Variants in STARD13 observed in about 807,000 individuals in gnomAD.
STARD13 encodes StAR related lipid transfer domain containing 13, also known as stAR-related lipid transfer protein 13.
STARD13 carries 62 observed loss-of-function variants against 106.4 expected under a neutral mutation model. The observed-to-expected ratio is 0.58, with a 90% CI of 0.48 to 0.72. The LOEUF (loss-of-function observed/expected upper bound fraction) is 0.72. Among genes scored for constraint, STARD13 ranks in the 30% least tolerant of loss-of-function variants. The pLI, the probability that STARD13 is intolerant of heterozygous loss-of-function variation, is 0.00. For synonymous variants in STARD13, 565 were observed against 553.0 expected (o/e 1.02, Z -0.31); for missense variants, 1,387 against 1,424.0 (o/e 0.97, Z 0.42).
chr13:33,238,267 C>A (rs1440760758), intron 1 of STARD13, among the ~76,000 whole-genome samples: 4 of 152,106 alleles, frequency 2.6e-5, no homozygotes, highest in Non-Finnish European at 5.9e-5. Context: ...GTTTCAATGG[C>A]AAAACCAGAT....
chr13:33,314,296 A>G (rs2138509598), intron 1 of STARD13, among the ~76,000 whole-genome samples: 1 of 152,316 alleles, frequency 6.6e-6, no homozygotes, highest in Middle Eastern at 3.4e-3. Flanking sequence ...CATAGTGGGC[A>G]AAACCCAGTG....
chr13:33,394,596 G>A, the STARD13 span, among the ~76,000 whole-genome samples: 46 of 152,278 alleles, frequency 3.0e-4, no homozygotes, highest in African/African-American at 1.0e-3. Context: ...GATGTTTAGA[G>A]TAGAAATTCA....
intron 2 of STARD13, among the ~76,000 whole-genome samples, chr13:33,166,181 G>T (rs1470117672): frequency 6.6e-6 from 1 of 152,056 alleles, no homozygotes; most frequent in Non-Finnish European, 1.5e-5. Flanking sequence ...AAATCTAAGG[G>T]TATCTAAATT....
the STARD13 span, among the ~76,000 whole-genome samples, chr13:33,665,382 T>C: frequency 6.6e-6 from 1 of 152,156 alleles, no homozygotes; most frequent in African/African-American, 2.4e-5. Context: ...AGCTATCGAG[T>C]TGAAGATAGA....
the STARD13 span, among the ~76,000 whole-genome samples, chr13:33,625,342 C>T: frequency 2.2e-4 from 33 of 152,140 alleles, no homozygotes; most frequent in Middle Eastern, 3.4e-3. Context: ...GAGGCCGAGG[C>T]GGGCAGGTCA....
chr13:33,125,388 G>C (rs928664926), intron 7 of STARD13, among the ~76,000 whole-genome samples: 1 of 152,200 alleles, frequency 6.6e-6, no homozygotes, highest in Admixed American at 6.5e-5. Context: ...TGTTAATTTG[G>C]AGGAGCAAAG....
chr13:33,334,583 G>C (rs1291872421), intron 1 of STARD13, among the ~76,000 whole-genome samples: 1 of 152,186 alleles, frequency 6.6e-6, no homozygotes, highest in Non-Finnish European at 1.5e-5. Context: ...CATAAAAGGA[G>C]AGACCCTCAA....
At chr13:33,585,207 A>G in the STARD13 span, among the ~76,000 whole-genome samples, 7 of 152,212 alleles carry the variant, frequency 4.6e-5, no homozygotes, top group African/African-American at 1.7e-4. Context: ...ATCACTATGG[A>G]AAATAGTATG....
At chr13:33,577,708 T>A in the STARD13 span, among the ~76,000 whole-genome samples, 4 of 152,040 alleles carry the variant, frequency 2.6e-5, no homozygotes, top group African/African-American at 7.2e-5. Flanking sequence ...TTCACAAAAA[T>A]TAATCTAAAA....
At chr13:33,551,096 A>AACAAC in the STARD13 span, among the ~76,000 whole-genome samples, 12 of 152,314 alleles carry the variant, frequency 7.9e-5, no homozygotes, top group East Asian at 2.3e-3. Flanking sequence ...AGCAAAACAA[A>AACAAC]ACAACATAAT....
At chr13:33,468,443 G>C in the STARD13 span, among the ~76,000 whole-genome samples, 1 of 152,182 alleles carries the variant, frequency 6.6e-6, no homozygotes, top group South Asian at 2.1e-4. Context: ...GAGAGGTGAG[G>C]CTTCATGGAA....
rs146054904 is a variant in STARD13, at chr13:33,215,481, CT to C, written c.170-47860del. ...AATGACTTATTTTTTACACTGAAAA[CT>C]TTTTTTACTCTGTTCTTTTGATTAT... On this transcript the variant is annotated intron_variant, in intron 1 of 13. Transcript: ENST00000336934. Among the ~76,000 whole-genome samples, 161 of 152,246 alleles carry C rather than the reference CT, an allele frequency of 1.1e-3. 2 individuals carry two copies. In the East Asian group the frequency reaches 0.028, roughly 26 times the overall value.
At chr13:33,606,931 C>G in the STARD13 span, among the ~76,000 whole-genome samples, 1 of 152,184 alleles carries the variant, frequency 6.6e-6, no homozygotes, top group African/African-American at 2.4e-5. Flanking sequence ...CACTTTAGGA[C>G]CCTTTCATTT....
intron 1 of STARD13, among the ~76,000 whole-genome samples, chr13:33,237,410 C>A (rs1248419228): frequency 2.0e-5 from 3 of 152,216 alleles, no homozygotes; most frequent in Non-Finnish European, 4.4e-5. Flanking sequence ...AGGTGTAAGA[C>A]TTGGGCCCTG....
At chr13:33,141,065 C>A (rs1254918083) in intron 4 of STARD13, among the ~76,000 whole-genome samples, 2 of 143,618 alleles carry the variant, frequency 1.4e-5, no homozygotes, top group Non-Finnish European at 3.1e-5. Flanking sequence ...GCCAAGAACA[C>A]TTTCTTTTGA....
chr13:33,618,460 C>T, the STARD13 span, among the ~76,000 whole-genome samples: 9 of 149,204 alleles, frequency 6.0e-5, no homozygotes, highest in Non-Finnish European at 1.4e-4. Context: ...TGAGAAAAGA[C>T]TTAACAAATT....
chr13:33,179,776 G>A (rs574998233), intron 1 of STARD13, among the ~76,000 whole-genome samples: 9 of 152,350 alleles, frequency 5.9e-5, no homozygotes, highest in Admixed American at 5.9e-4. Context: ...CCGGGTCTCA[G>A]AGCAGGAGGG....
At chr13:33,189,033 G>A (rs913080158) in intron 1 of STARD13, among the ~76,000 whole-genome samples, 4 of 152,116 alleles carry the variant, frequency 2.6e-5, no homozygotes, top group African/African-American at 4.8e-5. Flanking sequence ...TCAGGTATAA[G>A]TCAATGACTC....
At chr13:33,187,383 A>G (rs1885868914) in intron 1 of STARD13, among the ~76,000 whole-genome samples, 1 of 152,198 alleles carries the variant, frequency 6.6e-6, no homozygotes, top group Admixed American at 6.5e-5. Flanking sequence ...CTGCTCATGG[A>G]CTTTCTACTG....
Sources: allele counts gnomAD v4.1 joint callset (sites outside exome capture counted in the v4.1 genomes callset), GRCh38; gene constraint gnomAD v4.1.1; transcripts MANE v1.5; gene names NCBI Gene and HGNC (gene_info 2026-07-23, HGNC 2026-07-21).